Variants in SKAP1 observed in about 807,000 individuals in gnomAD.
The protein encoded by SKAP1 is src kinase associated phosphoprotein 1.
In SKAP1, 44 loss-of-function variants were observed where a neutral mutation model predicts 58.5. That is an observed-to-expected ratio of 0.75 (90% CI 0.59 to 0.97). The LOEUF is 0.97. Among genes scored for constraint, SKAP1 ranks in the 50% least tolerant of loss-of-function variants. SKAP1 has a pLI of 0.00. For missense variants in SKAP1, 390 were observed against 435.2 expected, an observed-to-expected ratio of 0.90 and a Z score of 0.92; for synonymous variants, 127 against 149.7, an observed-to-expected ratio of 0.85 and a Z score of 1.11.
intron 3 of SKAP1, among the ~76,000 whole-genome samples, chr17:48,356,963 CT>C (rs1450019414): frequency 6.6e-6 from 1 of 152,146 alleles, no homozygotes; most frequent in Non-Finnish European, 1.5e-5. Flanking sequence ...AACAATACTC[CT>C]TGGAGAACCT....
intron 4 of SKAP1, chr17:48,294,607 C>A (rs775014660): frequency 6.6e-6 from 1 of 152,144 alleles, no homozygotes; most frequent in Non-Finnish European, 1.5e-5. Context: ...GTGTAGAAAG[C>A]AATTATCAAG....
chr17:48,269,268 G>A (rs751786945), intron 4 of SKAP1, among the ~76,000 whole-genome samples: 9 of 152,002 alleles, frequency 5.9e-5, no homozygotes, highest in Admixed American at 2.0e-4. Flanking sequence ...TTTTAAGTTA[G>A]AAGTGATAAA....
intron 4 of SKAP1, among the ~76,000 whole-genome samples, chr17:48,268,183 A>G (rs1382230366): frequency 6.6e-6 from 1 of 152,130 alleles, no homozygotes; most frequent in Non-Finnish European, 1.5e-5. Flanking sequence ...GATGCAAAGG[A>G]TATCAGTCCT....
chr17:48,165,395 CT>C (rs1453057729), intron 10 of SKAP1, among the ~76,000 whole-genome samples: 2 of 148,740 alleles, frequency 1.3e-5, no homozygotes, highest in Non-Finnish European at 3.0e-5. Flanking sequence ...TTCTTTCTTT[CT>C]TTCTTTCTTT....
intron 1 of SKAP1, among the ~76,000 whole-genome samples, chr17:48,426,596 G>A (rs1553750): frequency 0.61 from 93,373 of 152,046 alleles, 29,417 homozygotes; most frequent in African/African-American, 0.76. Context: ...GGTTATCACA[G>A]AACAAAAACA....
At chr17:48,143,802 G>A (rs752724813) in intron 11 of SKAP1, among the ~76,000 whole-genome samples, 16 of 152,162 alleles carry the variant, frequency 1.1e-4, no homozygotes, top group Non-Finnish European at 1.9e-4. Context: ...TCACCTGCAG[G>A]GGACAGTAAG....
At position 48,137,330 on chromosome 17, in the gene SKAP1, T is replaced by A; in HGVS notation, c.986A>T (p.Asn329Ile). 1 of 1,611,224 alleles carries A rather than the reference T, an allele frequency of 6.2e-7. No individual in the cohort carries two copies. The highest frequency in any genetic ancestry group is 1.3e-5 in the African/African-American group (1 of 74,986). ...DLIRILSKEY[N>I]MYGWWVGELN... is the part of the protein sequence containing the mutation. ...TTCTCCCACCCACCAGCCATACATG[T>A]TATACTCCTGAAAAGTGAAAAGAGG... is the stretch of plus-strand genomic sequence containing the variant. Residue 329 changes from asparagine to isoleucine, a missense_variant, in exon 12 of 13, where the codon AAC (asparagine) becomes ATC (isoleucine). By Grantham distance (149) the Asn-to-Ile change is moderately radical. Coordinates refer to ENST00000336915, the MANE Select transcript of SKAP1 (RefSeq NM_003726.4).
chr17:48,275,586 C>T (rs1370604009), intron 4 of SKAP1, among the ~76,000 whole-genome samples: 1 of 152,130 alleles, frequency 6.6e-6, no homozygotes, highest in African/African-American at 2.4e-5. Context: ...ATTCCATGTT[C>T]CCAGTGTGTA....
chr17:48,439,838 CG>C, the SKAP1 span, among the ~76,000 whole-genome samples: 2 of 152,310 alleles, frequency 1.3e-5, no homozygotes, highest in African/African-American at 4.8e-5. Flanking sequence ...TGTGTTCTTG[CG>C]AGAAAATGCT....
chr17:48,442,539 A>G, the SKAP1 span, among the ~76,000 whole-genome samples: 1 of 151,894 alleles, frequency 6.6e-6, no homozygotes, highest in Non-Finnish European at 1.5e-5. Context: ...TGCAGGGTGG[A>G]CTCAGACTCC....
intron 2 of SKAP1, among the ~76,000 whole-genome samples, chr17:48,384,881 T>C (rs914555065): frequency 6.6e-6 from 1 of 152,108 alleles, no homozygotes; most frequent in East Asian, 1.9e-4. Context: ...GAGTCTCCCA[T>C]GCACAGGGGA....
At chr17:48,299,632 GACAA>G (rs2066032315) in intron 4 of SKAP1, among the ~76,000 whole-genome samples, 1 of 152,252 alleles carries the variant, frequency 6.6e-6, no homozygotes, top group African/African-American at 2.4e-5. Context: ...GGATCAATCT[GACAA>G]ACATTTATTG....
chr17:48,142,188 C>T (rs1158629456), intron 11 of SKAP1, among the ~76,000 whole-genome samples: 4 of 136,764 alleles, frequency 2.9e-5, no homozygotes, highest in East Asian at 2.3e-4. Context: ...TGAGGCCGGG[C>T]GCGGTGGCTC....
chr17:48,297,867 C>T (rs1474051335), intron 4 of SKAP1, among the ~76,000 whole-genome samples: 1 of 152,190 alleles, frequency 6.6e-6, no homozygotes, highest in African/African-American at 2.4e-5. Context: ...CAGTCGCAGT[C>T]TTACTTAAGC....
chr17:48,261,150 T>C lies in SKAP1; in HGVS notation c.281-71650A>G, dbSNP rs542087497. ...GTCCTAGGAGGGCAGGGGTCAGTCC[T>C]TGACAATTTTTGGAAAATTTCTGAT... On this transcript the variant is annotated intron_variant, in intron 4 of 12. Coordinates refer to ENST00000336915, the MANE Select transcript of SKAP1 (RefSeq NM_003726.4). 2.6e-4 allele frequency among the ~76,000 whole-genome samples: 39 copies of C among 152,314 alleles called. 2 individuals are homozygous for C. The South Asian group carries it at 7.9e-3, about 31-fold the overall frequency.
chr17:48,359,641 C>T (rs150864977), intron 3 of SKAP1, among the ~76,000 whole-genome samples: 150 of 152,228 alleles, frequency 9.9e-4, no homozygotes, highest in African/African-American at 3.5e-3. Context: ...AGGTCTCGCT[C>T]GGTCTCCTAT....
intron 4 of SKAP1, among the ~76,000 whole-genome samples, chr17:48,306,796 T>C (rs1403172564): frequency 6.6e-6 from 1 of 152,184 alleles, no homozygotes; most frequent in Non-Finnish European, 1.5e-5. Context: ...TTAAAGATCA[T>C]CTAAATTAAA....
intron 4 of SKAP1, chr17:48,196,706 G>T (rs971672172): frequency 7.4e-4 from 113 of 152,294 alleles, no homozygotes; most frequent in African/African-American, 2.5e-3. Context: ...TCACAAATTT[G>T]CATGTCATCT....
intron 1 of SKAP1, among the ~76,000 whole-genome samples, chr17:48,416,785 A>G (rs1023866867): frequency 2.6e-5 from 4 of 152,236 alleles, no homozygotes; most frequent in African/African-American, 4.8e-5. Flanking sequence ...AGAAACAAAA[A>G]TAATAATTCC....
Sources: gnomAD v4.1 joint callset for allele counts (sites outside exome capture counted in the v4.1 genomes callset) on GRCh38, gnomAD v4.1.1 for gene constraint, MANE v1.5 for transcripts, NCBI Gene and HGNC (gene_info 2026-07-23, HGNC 2026-07-21) for gene names.